LOXHD1: variants seen among roughly 807,000 people sequenced by gnomAD.
LOXHD1 encodes lipoxygenase homology domain-containing protein 1.
In LOXHD1, 205 loss-of-function variants were observed where a neutral mutation model predicts 248.2. The observed-to-expected ratio is 0.83, with a 90% CI of 0.74 to 0.93. LOXHD1 has a LOEUF of 0.93. Among genes scored for constraint, LOXHD1 ranks in the 40% least tolerant of loss-of-function variants. LOXHD1 has a pLI of 0.00. For missense variants in LOXHD1, 2,930 were observed against 2,971.6 expected (o/e 0.99, Z 0.33); for synonymous variants, 1,113 against 1,162.8 (o/e 0.96, Z 0.87).
Position 46,532,073 on chromosome 18 carries a change from C to T in LOXHD1, c.4375+1089G>A, listed in dbSNP as rs573377824. Among the ~76,000 whole-genome samples, 17 of 152,286 alleles carry T rather than the reference C, an allele frequency of 1.1e-4. No individual in the cohort carries two copies. The South Asian group carries it at 1.5e-3, about 13-fold the overall frequency. On this transcript the variant is annotated intron_variant, in intron 28 of 40. Transcript: ENST00000642948. ...CTTGGTGGGCAGAAAGACCTGTCTT[C>T]CTGTCTCCATAAGGGGCCCAGAATT...
rs2039187428 is a variant in LOXHD1 at position 46,656,760 on chromosome 18, AG to A, written c.130+143del. 4.1e-6 allele frequency: 4 copies of A among 985,074 alleles called. No homozygotes were observed. In the East Asian group the frequency reaches 7.9e-5, roughly 20 times the overall value. The allele number at this position is 985,074 out of a possible 1,614,324, so 61.0% of individuals were successfully genotyped here. A position where few individuals can be genotyped will look rare whatever the true frequency, so the allele number is the denominator to read the frequency against. On this transcript the variant is annotated intron_variant, in intron 1 of 40. Transcript: ENST00000642948. ...GCATAATGCCTGCCTTCTTACTCCG[AG>A]GGGATATGGAACAGACACATGGGAT...
At chr18:46,524,337 C>G (rs976728477) in intron 31 of LOXHD1, 129 bp downstream of exon 31, 2 of 1,338,044 alleles carry the variant, frequency 1.5e-6, no homozygotes, top group Non-Finnish European at 2.0e-6. Flanking sequence ...TGTGTGAAAA[C>G]TATGTAAATG....
chr18:46,606,373 C>T (rs548868114), intron 6 of LOXHD1, among the ~76,000 whole-genome samples: 25 of 151,936 alleles, frequency 1.6e-4, no homozygotes, highest in African/African-American at 6.0e-4. Flanking sequence ...GGTTGAACAT[C>T]CCTAATCTGA....
intron 1 of LOXHD1, among the ~76,000 whole-genome samples, chr18:46,652,280 A>G (rs2039121476): frequency 1.3e-5 from 2 of 152,216 alleles, no homozygotes; most frequent in Non-Finnish European, 2.9e-5. Flanking sequence ...GCCAATTTAA[A>G]TGGTCCATGA....
At chr18:46,488,425 T>C (rs541176092) in intron 38 of LOXHD1, among the ~76,000 whole-genome samples, 1 of 152,354 alleles carries the variant, frequency 6.6e-6, no homozygotes, top group African/African-American at 2.4e-5. Context: ...TATGTCACGC[T>C]CTGCCTTTGA....
At chr18:46,478,060 GT>G in intron 40 of LOXHD1, 108 bp from the exon 41 acceptor site, 3 of 1,381,430 alleles carry the variant, frequency 2.2e-6, no homozygotes, top group Non-Finnish European at 2.9e-6. Flanking sequence ...CCTTCCCAAG[GT>G]GATGGGATAT....
At chr18:46,560,058 C>T (rs1254894953) in intron 19 of LOXHD1, 25 bp downstream of exon 19, 5 of 1,363,778 alleles carry the variant, frequency 3.7e-6, no homozygotes, top group Admixed American at 2.3e-5. Context: ...TCCCTCCCCA[C>T]CCCCACCCCC....
At position 46,601,248 on chromosome 18, in the gene LOXHD1, A is replaced by G; in HGVS notation, c.1103T>C (p.Val368Ala). ...ACAGAACCAGCCTCTGTTGACACCCACATTGCCATGCCCGACGGAGACCCG... is the reference window on the plus strand; with the variant it reads ...ACAGAACCAGCCTCTGTTGACACCCGCATTGCCATGCCCGACGGAGACCCG... ...LSRVSVGHGN[V>A]GVNRGWFCEK... The change falls in exon 8 of 41, where the codon GTG becomes GCG. Residue 368 changes from valine to alanine, a missense_variant. Transcript: ENST00000642948. 1 of 1,551,700 alleles carries G rather than the reference A, an allele frequency of 6.4e-7. No homozygotes were observed. Among genetic ancestry groups the G allele is most frequent in the East Asian group, 2.4e-5 (1 of 40,922 alleles).
intron 25 of LOXHD1, 42 bp from the exon 26 acceptor site, chr18:46,538,379 G>T: frequency 2.6e-6 from 4 of 1,522,790 alleles, no homozygotes; most frequent in South Asian, 2.4e-5. Flanking sequence ...GTGGATGAGA[G>T]AACAGAAAAC....
intron 36 of LOXHD1, among the ~76,000 whole-genome samples, chr18:46,507,233 C>T (rs572056620): frequency 9.2e-5 from 14 of 152,316 alleles, no homozygotes; most frequent in African/African-American, 3.4e-4. Flanking sequence ...CGAGGGGTGC[C>T]AGGCAGCAGA....
chr18:46,656,359 T>C (rs1218536348), intron 1 of LOXHD1, among the ~76,000 whole-genome samples: 1 of 152,194 alleles, frequency 6.6e-6, no homozygotes, highest in Non-Finnish European at 1.5e-5. Flanking sequence ...GCAGGTCTCA[T>C]GTGGCCCAGG....
chr18:46,498,650 G>A (rs912894548), intron 37 of LOXHD1, among the ~76,000 whole-genome samples: 1 of 152,066 alleles, frequency 6.6e-6, no homozygotes, highest in African/African-American at 2.4e-5. Flanking sequence ...ATCTTCACAT[G>A]CTCTTGTTTC....
intron 33 of LOXHD1, chr18:46,519,135 G>C: frequency 1.0e-6 from 1 of 974,614 alleles, no homozygotes; most frequent in Non-Finnish European, 1.2e-6. Flanking sequence ...AATGTTCTTT[G>C]GTCCCAGATT....
intron 28 of LOXHD1, 78 bp downstream of exon 28, chr18:46,533,084 T>A (rs2036145259): frequency 6.8e-6 from 10 of 1,477,948 alleles, no homozygotes; most frequent in Non-Finnish European, 9.2e-6. Flanking sequence ...AGGCTTAGCC[T>A]GGCACAGGGC....
In LOXHD1 at chr18:46,569,600, A is replaced by G; in HGVS notation, c.2086T>C (p.Ser696Pro). 1 of 1,551,684 alleles carries G rather than the reference A, an allele frequency of 6.4e-7. No individual in the cohort carries two copies. Among genetic ancestry groups the G allele is most frequent in the Non-Finnish European group, 8.7e-7 (1 of 1,146,930 alleles). The stretch of plus-strand genomic sequence containing the variant: ...ACTCTAGAATCCGTGCTGGCCCCAG[A>G]GACATCCCCAGTCTTCAAGCTGATG... ...YHISLKTGDV[S>P]GASTDSRVYI... Residue 696 changes from serine to proline, a missense_variant, in exon 16 of 41, where the codon TCT (serine) becomes CCT (proline). Transcript: ENST00000642948.
intron 18 of LOXHD1, among the ~76,000 whole-genome samples, chr18:46,562,237 C>T (rs752330226): frequency 1.3e-5 from 2 of 152,168 alleles, no homozygotes; most frequent in Non-Finnish European, 2.9e-5. Flanking sequence ...TGACTCTGGC[C>T]CAGGTCCTAG....
rs151011395 is a variant in LOXHD1, at chr18:46,493,090, A to C, written c.5879-3948T>G. ...TTTTCCACTCCTCTGATTTTATTTC[A>C]TACTACTCACAACTTCACTTACTCT... On this transcript the variant is annotated intron_variant, in intron 37 of 40. Transcript: ENST00000642948. 3.9e-5 allele frequency among the ~76,000 whole-genome samples: 6 copies of C among 152,302 alleles called. No individual in the cohort carries two copies. The East Asian group carries it at 1.2e-3, about 29-fold the overall frequency.
chr18:46,487,534 G>A (rs542559233), intron 38 of LOXHD1, among the ~76,000 whole-genome samples: 1 of 152,204 alleles, frequency 6.6e-6, no homozygotes, highest in Admixed American at 6.5e-5. Flanking sequence ...CACGGTTTAC[G>A]CTGAGGAGCT....
intron 5 of LOXHD1, among the ~76,000 whole-genome samples, chr18:46,615,572 G>A (rs749413882): frequency 3.9e-5 from 6 of 152,100 alleles, no homozygotes; most frequent in Non-Finnish European, 7.4e-5. Context: ...ATCAAAGAAT[G>A]TTGTCCCTAT....
Sources: gnomAD v4.1 joint callset for allele counts (sites outside exome capture counted in the v4.1 genomes callset) on GRCh38, gnomAD v4.1.1 for gene constraint, MANE v1.5 for transcripts, NCBI Gene and HGNC (gene_info 2026-07-23, HGNC 2026-07-21) for gene names.